Variants in KLHL1 observed in about 807,000 individuals in gnomAD.
KLHL1 encodes the protein kelch like family member 1.
In KLHL1, 47 loss-of-function variants were observed where a neutral mutation model predicts 77.7. That is an observed-to-expected ratio of 0.60 (90% CI 0.48 to 0.77). KLHL1 has a LOEUF of 0.77. KLHL1 is among the 30% of genes least tolerant of loss of function. The pLI is 0.00. For synonymous variants in KLHL1, 360 were observed against 325.2 expected (o/e 1.11, Z -1.15); for missense variants, 925 against 910.8 (o/e 1.02, Z -0.20).
At chr13:69,925,690 G>GA (rs1882793117) in intron 4 of KLHL1, among the ~76,000 whole-genome samples, 1 of 151,614 alleles carries the variant, frequency 6.6e-6, no homozygotes, top group Admixed American at 6.6e-5. Context: ...TCTAACATTT[G>GA]AAGTTTTATT....
intron 6 of KLHL1, among the ~76,000 whole-genome samples, chr13:69,817,502 G>A (rs1878166913): frequency 6.6e-6 from 1 of 152,148 alleles, no homozygotes; most frequent in Non-Finnish European, 1.5e-5. Flanking sequence ...ATTTTAAAAT[G>A]CAAGATTACA....
intron 1 of KLHL1, among the ~76,000 whole-genome samples, chr13:70,044,370 G>C (rs950921898): frequency 1.3e-5 from 2 of 152,112 alleles, no homozygotes; most frequent in Non-Finnish European, 1.5e-5. Context: ...GTCTAGAATA[G>C]TACTATTTAG....
chr13:70,048,853 C>T (rs574432726), intron 1 of KLHL1, among the ~76,000 whole-genome samples: 6 of 152,154 alleles, frequency 3.9e-5, no homozygotes, highest in East Asian at 3.9e-4. Context: ...CTGTGGGCTG[C>T]GGGTTGGGGA....
intron 7 of KLHL1, among the ~76,000 whole-genome samples, chr13:69,760,847 T>G (rs1314713395): frequency 6.6e-6 from 1 of 152,168 alleles, no homozygotes; most frequent in Admixed American, 6.6e-5. Context: ...TATAGTTTAT[T>G]TTGAATGTCC....
intron 1 of KLHL1, among the ~76,000 whole-genome samples, chr13:70,096,515 C>T (rs1340516658): frequency 6.6e-6 from 1 of 151,926 alleles, no homozygotes; most frequent in African/African-American, 2.4e-5. Flanking sequence ...CTATTGATAT[C>T]TTTGCCCATT....
At chr13:69,779,226 C>T (rs80209375) in intron 7 of KLHL1, among the ~76,000 whole-genome samples, 3,527 of 152,240 alleles carry the variant, frequency 0.023, 136 homozygotes, top group African/African-American at 0.081. Flanking sequence ...ACCTAACTTA[C>T]GAATTCAAAA....
chr13:69,831,186 T>C (rs1448982344), intron 6 of KLHL1, among the ~76,000 whole-genome samples: 1 of 149,380 alleles, frequency 6.7e-6, no homozygotes, highest in Non-Finnish European at 1.5e-5. Flanking sequence ...TAAACATAAC[T>C]CATAGACCAT....
chr13:70,089,936 A>G (rs531842328), intron 1 of KLHL1, among the ~76,000 whole-genome samples: 1 of 152,212 alleles, frequency 6.6e-6, no homozygotes. Context: ...TAAAGTAACC[A>G]AAGCTAGTTA....
At chr13:70,067,316 C>A (rs1593716414) in intron 1 of KLHL1, among the ~76,000 whole-genome samples, 1 of 152,284 alleles carries the variant, frequency 6.6e-6, no homozygotes, top group African/African-American at 2.4e-5. Context: ...ATTTTCACAA[C>A]ACCCTGTGAG....
At chr13:69,780,360 A>G (rs1876079073) in intron 7 of KLHL1, among the ~76,000 whole-genome samples, 1 of 152,076 alleles carries the variant, frequency 6.6e-6, no homozygotes. Flanking sequence ...AACTTTGAAG[A>G]GAGAATCCTT....
At chr13:69,759,072 C>A (rs1346209474) in intron 7 of KLHL1, among the ~76,000 whole-genome samples, 2 of 151,992 alleles carry the variant, frequency 1.3e-5, no homozygotes, top group Non-Finnish European at 2.9e-5. Context: ...AGGTGTAGAA[C>A]TCAGGAAAGA....
intron 1 of KLHL1, among the ~76,000 whole-genome samples, chr13:70,017,705 T>A (rs1404616152): frequency 6.6e-6 from 1 of 152,114 alleles, no homozygotes; most frequent in Non-Finnish European, 1.5e-5. Flanking sequence ...CTCACTACTA[T>A]CACGAGCACA....
chr13:69,940,015 T>G, intron 4 of KLHL1, 25 bp downstream of exon 4: 1 of 1,538,508 alleles, frequency 6.5e-7, no homozygotes. Flanking sequence ...TGTGTCTCCA[T>G]TATTAAAACA....
chr13:69,844,394 T>C (rs2138119824), intron 5 of KLHL1, among the ~76,000 whole-genome samples: 1 of 151,826 alleles, frequency 6.6e-6, no homozygotes, highest in African/African-American at 2.4e-5. Context: ...CTCCTACTCA[T>C]TTTGACAAAC....
chr13:69,942,352 ACT>A (rs1357703524), intron 3 of KLHL1, among the ~76,000 whole-genome samples: 1 of 151,518 alleles, frequency 6.6e-6, no homozygotes, highest in Non-Finnish European at 1.5e-5. Context: ...ATTTTATCTA[ACT>A]CTAATTATGC....
chr13:69,849,019 AC>A (rs962060137), intron 5 of KLHL1, among the ~76,000 whole-genome samples: 1 of 151,550 alleles, frequency 6.6e-6, no homozygotes, highest in Non-Finnish European at 1.5e-5. Context: ...TTAACCTTCC[AC>A]CCTGTATGAA....
intron 1 of KLHL1, among the ~76,000 whole-genome samples, chr13:69,980,757 G>C (rs574282695): frequency 1.3e-5 from 2 of 152,044 alleles, no homozygotes; most frequent in Non-Finnish European, 2.9e-5. Context: ...TGAGGGGAAA[G>C]CCTTATTTCA....
intron 6 of KLHL1, among the ~76,000 whole-genome samples, chr13:69,815,366 T>C (rs745732721): frequency 2.6e-4 from 39 of 152,236 alleles, no homozygotes; most frequent in Non-Finnish European, 4.1e-4. Flanking sequence ...TGGACTACTA[T>C]GCAGCCATAA....
chr13:69,909,568 T>C (rs1271524562), intron 4 of KLHL1, among the ~76,000 whole-genome samples: 2 of 151,978 alleles, frequency 1.3e-5, no homozygotes, highest in African/African-American at 4.8e-5. Context: ...GTCCAGATAT[T>C]TTCTCATTAC....
Sources: allele counts gnomAD v4.1 joint callset (sites outside exome capture counted in the v4.1 genomes callset), GRCh38; gene constraint gnomAD v4.1.1; transcripts MANE v1.5; gene names NCBI Gene and HGNC (gene_info 2026-07-23, HGNC 2026-07-21).